The following ANKRD26 variants were observed in gnomAD, a reference collection of about 807,000 sequenced individuals.
ANKRD26 encodes ankyrin repeat domain-containing protein 26.
ANKRD26 carries 141 observed loss-of-function variants against 208.7 expected under a neutral mutation model. That is an observed-to-expected ratio of 0.68 (90% CI 0.59 to 0.78). The LOEUF (loss-of-function observed/expected upper bound fraction) is 0.78, where lower values mean the gene tolerates loss of function less well. ANKRD26 is among the 30% of genes least tolerant of loss of function. The pLI is 0.00. For missense variants in ANKRD26, 1,889 were observed against 1,938.7 expected, an observed-to-expected ratio of 0.97 and a Z score of 0.48; for synonymous variants, 636 against 660.4, an observed-to-expected ratio of 0.96 and a Z score of 0.57.
chr10:26,953,633 T>C, the ANKRD26 span, among the ~76,000 whole-genome samples: 1 of 152,204 alleles, frequency 6.6e-6, no homozygotes, highest in African/African-American at 2.4e-5. Context: ...TTGTTGTTAG[T>C]TTTTGTGAAT....
chr10:27,025,340 A>G (rs2053625731), intron 27 of ANKRD26, among the ~76,000 whole-genome samples: 1 of 151,718 alleles, frequency 6.6e-6, no homozygotes, highest in South Asian at 2.1e-4. Flanking sequence ...CGGCTAATTT[A>G]TTTCATATTT....
chr10:26,952,867 A>C, the ANKRD26 span, among the ~76,000 whole-genome samples: 1 of 152,188 alleles, frequency 6.6e-6, no homozygotes, highest in African/African-American at 2.4e-5. Context: ...CTGCTAAAGA[A>C]CAGACTTCTC....
downstream of ANKRD26, among the ~76,000 whole-genome samples, chr10:26,972,922 C>T (rs1293605893): frequency 6.6e-6 from 1 of 152,038 alleles, no homozygotes; most frequent in Admixed American, 6.6e-5. Context: ...TATCTTAATG[C>T]TGGTAGGTAG....
At chr10:27,098,931 A>G (rs374098563) in intron 1 of ANKRD26, among the ~76,000 whole-genome samples, 8 of 152,280 alleles carry the variant, frequency 5.3e-5, no homozygotes, top group South Asian at 2.1e-4. Flanking sequence ...TTCTCACTTG[A>G]GATACCAAAG....
chr10:27,080,263 C>T (rs545164178), intron 6 of ANKRD26: 30 of 152,814 alleles, frequency 2.0e-4, no homozygotes, highest in Non-Finnish European at 3.4e-4. Flanking sequence ...ATTTCAAAGA[C>T]TAATATGTGT....
At chr10:27,073,149 G>GCA (rs2055567619) in intron 9 of ANKRD26, among the ~76,000 whole-genome samples, 4 of 152,172 alleles carry the variant, frequency 2.6e-5, no homozygotes, top group Admixed American at 2.6e-4. Flanking sequence ...TTCCGCTTGT[G>GCA]GGAAGTTTCC....
At chr10:27,079,253 C>A in intron 6 of ANKRD26, 92 bp from the exon 7 acceptor site, 1 of 1,060,346 alleles carries the variant, frequency 9.4e-7, no homozygotes, top group South Asian at 1.3e-5. Flanking sequence ...GATGCCCCCT[C>A]CAAAAAAACA....
the ANKRD26 span, among the ~76,000 whole-genome samples, chr10:26,958,073 T>TATA: frequency 1.4e-5 from 2 of 144,160 alleles, no homozygotes; most frequent in African/African-American, 5.1e-5. Flanking sequence ...TCACCCAGTT[T>TATA]TATATATATA....
intron 32 of ANKRD26, among the ~76,000 whole-genome samples, chr10:27,009,361 T>C (rs1172413690): frequency 6.6e-6 from 1 of 152,240 alleles, no homozygotes; most frequent in African/African-American, 2.4e-5. Context: ...TTTACCTATA[T>C]TAAAAGTGAA....
At chr10:26,967,957 C>CT in the ANKRD26 span, among the ~76,000 whole-genome samples, 1 of 152,318 alleles carries the variant, frequency 6.6e-6, no homozygotes, top group African/African-American at 2.4e-5. Context: ...GCCTTGCCCC[C>CT]TCCCTGCAAC....
At chr10:27,029,659 T>A (rs978492784) in intron 25 of ANKRD26, among the ~76,000 whole-genome samples, 1 of 152,172 alleles carries the variant, frequency 6.6e-6, no homozygotes, top group African/African-American at 2.4e-5. Context: ...ATACTCAAAT[T>A]TACAAACTTG....
At chr10:26,991,846 A>C (rs527504149), downstream of ANKRD26, 1 of 152,288 alleles carries the variant, frequency 6.6e-6, no homozygotes, top group African/African-American at 2.4e-5. Context: ...GAGGCAGAGG[A>C]AATAGACACT....
At chr10:27,051,372 G>A (rs1291945830) in intron 16 of ANKRD26, 1 of 1,225,458 alleles carries the variant, frequency 8.2e-7, no homozygotes, top group South Asian at 1.5e-5. Context: ...CATTTCTTTG[G>A]AGCAGATCAA....
chr10:26,956,053 T>C, the ANKRD26 span, among the ~76,000 whole-genome samples: 1 of 152,216 alleles, frequency 6.6e-6, no homozygotes, highest in South Asian at 2.1e-4. Flanking sequence ...TATTTAGAGA[T>C]GTCATTCTTA....
intron 15 of ANKRD26, among the ~76,000 whole-genome samples, chr10:27,059,247 AAG>A (rs1463132617): frequency 2.6e-5 from 4 of 152,122 alleles, no homozygotes; most frequent in African/African-American, 9.7e-5. Context: ...TATCCGAATG[AAG>A]AGAGTTTAAT....
chr10:27,091,550 G>A (rs750710475), intron 4 of ANKRD26, among the ~76,000 whole-genome samples: 8 of 152,118 alleles, frequency 5.3e-5, no homozygotes, highest in East Asian at 1.9e-4. Flanking sequence ...CCTAACATCC[G>A]TACTCTTCAA....
chr10:26,951,133 T>G, the ANKRD26 span, among the ~76,000 whole-genome samples: 1 of 147,786 alleles, frequency 6.8e-6, no homozygotes, highest in Admixed American at 6.8e-5. Context: ...GGCAAGACAG[T>G]GACATGCTTT....
At chr10:27,058,912 T>C (rs1433132776) in intron 15 of ANKRD26, among the ~76,000 whole-genome samples, 1 of 92,918 alleles carries the variant, frequency 1.1e-5, no homozygotes, top group African/African-American at 3.0e-5. Context: ...TGTTTGTTTT[T>C]TGTTTTTTTG....
At chr10:27,001,578 T>C (rs2052726019), downstream of ANKRD26, among the ~76,000 whole-genome samples, 1 of 152,188 alleles carries the variant, frequency 6.6e-6, no homozygotes, top group African/African-American at 2.4e-5. Flanking sequence ...TGGTTAGGGC[T>C]AGGTGTGCCA....
Sources: gnomAD v4.1 joint callset for allele counts (sites outside exome capture counted in the v4.1 genomes callset) on GRCh38, gnomAD v4.1.1 for gene constraint, MANE v1.5 for transcripts, NCBI Gene and HGNC (gene_info 2026-07-23, HGNC 2026-07-21) for gene names.